The following DOCK2 variants were observed in gnomAD, a reference collection of about 807,000 sequenced individuals.
DOCK2 encodes dedicator of cytokinesis protein 2.
DOCK2 carries 87 observed loss-of-function variants against 248.9 expected under a neutral mutation model. The observed-to-expected ratio is 0.35, with a 90% confidence interval of 0.29 to 0.42. The LOEUF (loss-of-function observed/expected upper bound fraction) is 0.42, where lower values mean the gene tolerates loss of function less well. DOCK2 is among the 10% of genes least tolerant of loss of function. The pLI, the probability that DOCK2 is intolerant of heterozygous loss-of-function variation, is 1.00. For synonymous variants in DOCK2, 805 were observed against 821.6 expected, an observed-to-expected ratio of 0.98 and a Z score of 0.35; for missense variants, 1,747 against 2,300.2, an observed-to-expected ratio of 0.76 and a Z score of 4.92.
intron 27 of DOCK2, among the ~76,000 whole-genome samples, chr5:169,956,272 A>C (rs1214176726): frequency 6.6e-6 from 1 of 152,266 alleles, no homozygotes; most frequent in Non-Finnish European, 1.5e-5. Flanking sequence ...CAAGAAGAAC[A>C]TTCTCAGAGA....
At chr5:169,904,946 A>G (rs1459028137) in intron 27 of DOCK2, among the ~76,000 whole-genome samples, 1 of 152,150 alleles carries the variant, frequency 6.6e-6, no homozygotes, top group African/African-American at 2.4e-5. Context: ...TTTGAATCCC[A>G]GCTCTGCCAC....
chr5:169,702,697 GTATTTATT>G (rs33967344), intron 14 of DOCK2: 2,633 of 205,652 alleles, frequency 0.013, 72 homozygotes, highest in African/African-American at 0.054. Flanking sequence ...ATGTATGTAT[GTATTTATT>G]TATTTATTTA....
At chr5:169,675,130 G>A (rs747215811) in intron 6 of DOCK2, among the ~76,000 whole-genome samples, 5 of 152,158 alleles carry the variant, frequency 3.3e-5, no homozygotes, top group Admixed American at 2.0e-4. Flanking sequence ...TAAAGAAACC[G>A]AGGGTTTTCA....
intron 27 of DOCK2, among the ~76,000 whole-genome samples, chr5:169,921,111 A>G (rs1315924544): frequency 2.0e-5 from 3 of 152,168 alleles, no homozygotes; most frequent in African/African-American, 7.2e-5. Flanking sequence ...ATAAGGGAAA[A>G]GCACGTAGGG....
At chr5:170,025,117 G>T (rs963528956) in intron 33 of DOCK2, among the ~76,000 whole-genome samples, 32 of 152,208 alleles carry the variant, frequency 2.1e-4, no homozygotes, top group African/African-American at 7.0e-4. Flanking sequence ...CAAGTCGAGG[G>T]ACACAGCACA....
intron 44 of DOCK2, among the ~76,000 whole-genome samples, chr5:170,058,565 T>C (rs566060489): frequency 7.2e-5 from 11 of 152,022 alleles, no homozygotes; most frequent in Admixed American, 6.6e-5. Flanking sequence ...CATGCTGACA[T>C]TGAAGAGAGA....
chr5:169,712,618 A>G (rs2113528919), intron 17 of DOCK2, among the ~76,000 whole-genome samples: 1 of 152,210 alleles, frequency 6.6e-6, no homozygotes, highest in South Asian at 2.1e-4. Flanking sequence ...AGCTAATGGG[A>G]AAATATTAAA....
At chr5:169,829,919 C>A (rs1769114619) in intron 26 of DOCK2, among the ~76,000 whole-genome samples, 1 of 152,150 alleles carries the variant, frequency 6.6e-6, no homozygotes, top group Admixed American at 6.5e-5. Flanking sequence ...CCTGTTCTTC[C>A]TGGAAAGTAG....
chr5:170,049,639 T>C (rs1348077661), intron 40 of DOCK2, among the ~76,000 whole-genome samples: 1 of 152,206 alleles, frequency 6.6e-6, no homozygotes, highest in Non-Finnish European at 1.5e-5. Context: ...CTATGCATCG[T>C]AGGATGCTAG....
chr5:169,766,254 A>G (rs1261075667), intron 25 of DOCK2, among the ~76,000 whole-genome samples: 4 of 151,986 alleles, frequency 2.6e-5, no homozygotes, highest in Admixed American at 2.0e-4. Context: ...CCCAGTGTCT[A>G]TTGTTCCGCT....
intron 45 of DOCK2, among the ~76,000 whole-genome samples, chr5:170,068,839 G>A (rs898279375): frequency 5.9e-5 from 9 of 152,174 alleles, no homozygotes; most frequent in Non-Finnish European, 1.2e-4. Flanking sequence ...TCTGGGCTGG[G>A]GCTAGAGACT....
At position 169,789,023 on chromosome 5, in the gene DOCK2, G is replaced by T. The variant is rs556227406; in HGVS notation, c.2555-14035G>T. 1.1e-3 allele frequency among the ~76,000 whole-genome samples: 166 copies of T among 152,120 alleles called. 1 individual carries two copies. The highest frequency in any genetic ancestry group is 1.2e-4 in the Non-Finnish European group (8 of 68,002). On this transcript the variant is annotated intron_variant, in intron 25 of 51. Coordinates refer to ENST00000520908, the MANE Select transcript of DOCK2 (RefSeq NM_004946.3). ...CCACCCTCCGATAGACCCCAGTGAG[G>T]GTTGTTCCCCTCTGAGTGTCCATGT...
At chr5:170,005,750 A>C (rs181821035) in intron 30 of DOCK2, among the ~76,000 whole-genome samples, 2 of 151,894 alleles carry the variant, frequency 1.3e-5, no homozygotes, top group Non-Finnish European at 2.9e-5. Context: ...ATTTTTTTTT[A>C]AAAAAAAGAA....
intron 44 of DOCK2, among the ~76,000 whole-genome samples, chr5:170,066,365 A>G (rs917518520): frequency 6.6e-6 from 1 of 152,254 alleles, no homozygotes; most frequent in African/African-American, 2.4e-5. Context: ...TAAAAATTGT[A>G]AACACATATA....
intron 26 of DOCK2, among the ~76,000 whole-genome samples, chr5:169,811,804 T>C (rs1191303893): frequency 8.5e-5 from 13 of 152,148 alleles, no homozygotes; most frequent in Admixed American, 8.5e-4. Flanking sequence ...CTCAACAGCC[T>C]CTCAGGCACC....
At chr5:169,730,900 G>A (rs1255352798) in intron 22 of DOCK2, among the ~76,000 whole-genome samples, 1 of 144,376 alleles carries the variant, frequency 6.9e-6, no homozygotes, top group Admixed American at 7.1e-5. Flanking sequence ...CTTTTTTTTA[G>A]AGACAAGGTC....
At chr5:169,854,682 T>A (rs1247768285) in intron 27 of DOCK2, among the ~76,000 whole-genome samples, 1 of 152,250 alleles carries the variant, frequency 6.6e-6, no homozygotes, top group Non-Finnish European at 1.5e-5. Context: ...CTGCTTTTCC[T>A]TGAAATGTCT....
chr5:169,862,506 G>GAA (rs60698190), intron 27 of DOCK2, among the ~76,000 whole-genome samples: 41 of 150,204 alleles, frequency 2.7e-4, no homozygotes, highest in Non-Finnish European at 5.6e-4. Flanking sequence ...ATGGATACAG[G>GAA]AAAAAAAAAA....
At chr5:169,646,029 A>G (rs955850443) in intron 1 of DOCK2, among the ~76,000 whole-genome samples, 1 of 152,128 alleles carries the variant, frequency 6.6e-6, no homozygotes, top group South Asian at 2.1e-4. Flanking sequence ...GATTACAGGC[A>G]TGAGCCACCA....
Sources: allele counts gnomAD v4.1 joint callset (sites outside exome capture counted in the v4.1 genomes callset), GRCh38; gene constraint gnomAD v4.1.1; transcripts MANE v1.5; gene names NCBI Gene and HGNC (gene_info 2026-07-23, HGNC 2026-07-21).